Variants in TET2 observed in about 807,000 individuals in gnomAD.
TET2 encodes the protein tet methylcytosine dioxygenase 2, also known as methylcytosine dioxygenase TET2.
TET2 carries 299 observed loss-of-function variants against 142.9 expected under a neutral mutation model. That is an observed-to-expected ratio of 2.09 (90% CI 1.90 to 2.30). TET2 has a LOEUF of 2.30. Among genes scored for constraint, TET2 ranks in the 30% most tolerant of loss-of-function variants. The pLI is 0.00. For missense variants in TET2, 2,418 were observed against 2,378.0 expected (o/e 1.02, Z -0.35); for synonymous variants, 819 against 849.0 (o/e 0.96, Z 0.61).
intron 1 of TET2, among the ~76,000 whole-genome samples, chr4:105,174,681 G>A (rs1724676757): frequency 6.6e-6 from 1 of 152,166 alleles, no homozygotes; most frequent in Non-Finnish European, 1.5e-5. Context: ...AAAAACTCCA[G>A]GAGGACTCAC....
In TET2 at chr4:105,239,579, G is replaced by C. The variant is rs78668769; in HGVS notation, c.3410-1760G>C. The C allele has an allele frequency of 5.3e-3, 1,259 of 239,032 alleles. 14 individuals carry two copies. Among genetic ancestry groups the C allele is most frequent in the African/African-American group, 0.021 (941 of 44,966 alleles). 14.8% of individuals were successfully genotyped at this position (239,032 alleles called of 1,614,324 possible). The stretch of plus-strand genomic sequence containing the variant: ...CATTCTCTTCATAGAACTGAAGGGA[G>C]TCAAGGCCTTGCTCTGGATTAAGCT... On this transcript the variant is annotated intron_variant, in intron 3 of 10. Transcript: ENST00000380013.
intron 1 of TET2, among the ~76,000 whole-genome samples, chr4:105,172,765 A>C (rs887437080): frequency 3.3e-5 from 5 of 152,238 alleles, no homozygotes; most frequent in Non-Finnish European, 5.9e-5. Context: ...TGTTTGTCAT[A>C]TAATGAGAAT....
chr4:105,173,954 A>T (rs765678345), intron 1 of TET2, among the ~76,000 whole-genome samples: 2 of 152,184 alleles, frequency 1.3e-5, no homozygotes, highest in Non-Finnish European at 2.9e-5. Context: ...TGCATGCAAA[A>T]ATGATGTATG....
chr4:105,235,397 G>A lies in TET2; in HGVS notation c.1455G>A (p.Val485=), dbSNP rs1478770235. 1.9e-6 allele frequency: 3 copies of A among 1,614,048 alleles called. No homozygotes were observed. Among genetic ancestry groups the A allele is most frequent in the Non-Finnish European group, 2.5e-6 (3 of 1,180,040 alleles). ...CTGAAAGGCCTCAGAATAATTGTGT[G>A]AACAGGAATGACATACAGACTGCAG... The part of the protein sequence containing the change: ...MLSERPQNNC[V]NRNDIQTAGT... The change falls in exon 3 of 11, where the codon GTG becomes GTA. Residue 485 remains valine, a synonymous_variant. Coordinates refer to ENST00000380013, the MANE Select transcript of TET2 (RefSeq NM_001127208.3).
chr4:105,210,386 C>T (rs909056226), intron 2 of TET2, among the ~76,000 whole-genome samples: 1 of 152,116 alleles, frequency 6.6e-6, no homozygotes, highest in African/African-American at 2.4e-5. Flanking sequence ...GCCCCAATCT[C>T]AGGCTGGCTT....
chr4:105,209,429 C>T (rs143715267), intron 2 of TET2, among the ~76,000 whole-genome samples: 1 of 152,054 alleles, frequency 6.6e-6, no homozygotes, highest in African/African-American at 2.4e-5. Context: ...AACTTTGGAT[C>T]TTTATGTTAA....
rs567751885 is a variant in TET2, at chr4:105,163,583, T to C, written c.-193+16604T>C. 1.5e-4 allele frequency among the ~76,000 whole-genome samples: 23 copies of C among 152,242 alleles called. No individual in the cohort carries two copies. The East Asian group carries it at 4.1e-3, about 27-fold the overall frequency. On this transcript the variant is annotated intron_variant, in intron 1 of 10. Coordinates refer to ENST00000380013, the MANE Select transcript of TET2 (RefSeq NM_001127208.3). ...AAGCACTTTCCAAAGATTATCTAAT[T>C]CTTATGTCATCTATATTTTTGTTGG...
intron 2 of TET2, among the ~76,000 whole-genome samples, chr4:105,197,969 A>T (rs1372806839): frequency 6.6e-6 from 1 of 152,182 alleles, no homozygotes; most frequent in Non-Finnish European, 1.5e-5. Context: ...TATGATGTTT[A>T]TTTTATTAGT....
intron 1 of TET2, among the ~76,000 whole-genome samples, chr4:105,168,820 G>A (rs1026442993): frequency 1.3e-5 from 2 of 152,092 alleles, no homozygotes; most frequent in African/African-American, 2.4e-5. Context: ...TCCCACTTAT[G>A]AGTGAGAACA....
At chr4:105,247,506 A>G (rs1325554651) in intron 6 of TET2, among the ~76,000 whole-genome samples, 2 of 152,148 alleles carry the variant, frequency 1.3e-5, no homozygotes, top group Non-Finnish European at 2.9e-5. Flanking sequence ...AAATTCTGTG[A>G]TTCACAAGCC....
At chr4:105,248,824 C>G (rs752396184) in intron 6 of TET2, among the ~76,000 whole-genome samples, 3 of 152,112 alleles carry the variant, frequency 2.0e-5, no homozygotes, top group Non-Finnish European at 4.4e-5. Context: ...TCCCCTTCTT[C>G]CTTCCTCTAA....
Position 105,269,673 on chromosome 4 carries a change from G to T in TET2, c.4108G>T (p.Gly1370Trp), listed in dbSNP as rs1730855562. Residue 1370 changes from glycine (G) to tryptophan (W), a missense_variant, in exon 9 of 11, where the codon GGG becomes TGG. By Grantham distance (184) the Gly-to-Trp change is radical. Transcript: ENST00000380013. ...TCTGAAGGAAGGCCGTCCATTCTCAGGGGTCACTGCATGTTTGGACTTCTG... is the reference window on the plus strand; with the variant it reads ...TCTGAAGGAAGGCCGTCCATTCTCATGGGTCACTGCATGTTTGGACTTCTG... ...LGLKEGRPFS[G>W]VTACLDFCAH... 1 of 1,551,628 alleles carries T rather than the reference G, an allele frequency of 6.4e-7. No homozygotes were observed. Among genetic ancestry groups the T allele is most frequent in the Non-Finnish European group, 8.7e-7 (1 of 1,146,938 alleles).
At chr4:105,199,606 A>G (rs912980782) in intron 2 of TET2, among the ~76,000 whole-genome samples, 2 of 152,158 alleles carry the variant, frequency 1.3e-5, no homozygotes, top group Admixed American at 6.5e-5. Flanking sequence ...ACCTTGGGTC[A>G]TGGGAGTTTG....
chr4:105,275,713 G>C lies in TET2; in HGVS notation c.5203G>C (p.Gly1735Arg). 5.8e-6 allele frequency: 9 copies of C among 1,551,644 alleles called. No homozygotes were observed. Among genetic ancestry groups the C allele is most frequent in the Non-Finnish European group, 7.8e-6 (9 of 1,146,954 alleles). Residue 1735 changes from glycine (G) to arginine (R), a missense_variant, in exon 11 of 11, where the codon GGA becomes CGA. Transcript: ENST00000380013. The stretch of plus-strand genomic sequence containing the variant: ...TCATGAGATGGATGGCCACTTCATG[G>C]GAGCCACCTCTAGATTACCACCCAA... ...PTHEMDGHFM[G>R]ATSRLPPNLS... is the part of the protein sequence containing the mutation.
intron 1 of TET2, among the ~76,000 whole-genome samples, chr4:105,149,161 T>C (rs1319826261): frequency 6.6e-6 from 1 of 152,222 alleles, no homozygotes; most frequent in Non-Finnish European, 1.5e-5. Flanking sequence ...TTCCTTTTGC[T>C]AACAAACTAA....
At chr4:105,243,011 G>A in intron 5 of TET2, 84 bp downstream of exon 5, 2 of 1,065,322 alleles carry the variant, frequency 1.9e-6, no homozygotes, top group South Asian at 1.4e-5. Flanking sequence ...GGGTTACCCA[G>A]ATCAAAGACT....
rs1191352337 is a variant in TET2, at chr4:105,275,272, AT to A, written c.4763del (p.Ile1588ThrfsTer8). On this transcript the variant is annotated frameshift_variant, in exon 11 of 11. Coordinates refer to ENST00000380013, the MANE Select transcript of TET2 (RefSeq NM_001127208.3). LOFTEE classifies it low-confidence loss of function (END_TRUNC). ...TCCAAACTCTTCACACACTTCAGATATCTATGGAAGCACCAGCCCTATGAAC... is the reference window on the plus strand; with the variant it reads ...TCCAAACTCTTCACACACTTCAGATACTATGGAAGCACCAGCCCTATGAAC... ...PYPNSSHTSDIYGSTSPMNFY... is the reference protein window; with the variant it reads ...PYPNSSHTSDXYGSTSPMNFY... The A allele has an allele frequency of 6.4e-7, 1 of 1,552,278 alleles. No homozygotes were observed. The highest frequency in any genetic ancestry group is 8.7e-7 in the Non-Finnish European group (1 of 1,147,096).
At chr4:105,265,828 G>T (rs940765652) in intron 8 of TET2, among the ~76,000 whole-genome samples, 1 of 151,486 alleles carries the variant, frequency 6.6e-6, no homozygotes, top group Non-Finnish European at 1.5e-5. Context: ...GAGAAAGGAA[G>T]TAAAAAGGTG....
chr4:105,175,227 GAAT>G (rs1326834112), intron 1 of TET2, among the ~76,000 whole-genome samples: 17 of 152,132 alleles, frequency 1.1e-4, no homozygotes, highest in Middle Eastern at 3.2e-3. Context: ...TGAAGACACT[GAAT>G]AAGCATCAGA....
Sources: gnomAD v4.1 joint callset for allele counts (sites outside exome capture counted in the v4.1 genomes callset) on GRCh38, gnomAD v4.1.1 for gene constraint, MANE v1.5 for transcripts, NCBI Gene and HGNC (gene_info 2026-07-23, HGNC 2026-07-21) for gene names.